Variants in SACM1L observed in about 807,000 individuals in gnomAD.
The protein encoded by SACM1L is phosphatidylinositol-3-phosphatase SAC1.
A neutral mutation model predicts 89.5 loss-of-function variants in SACM1L; 32 were observed. The observed-to-expected ratio is 0.36, with a 90% CI of 0.27 to 0.48. The LOEUF (loss-of-function observed/expected upper bound fraction) is 0.48, where lower values mean the gene tolerates loss of function less well. SACM1L is among the 20% of genes least tolerant of loss of function. The pLI is 0.99. For synonymous variants in SACM1L, 213 were observed against 232.8 expected (o/e 0.92, Z 0.77); for missense variants, 543 against 708.5 (o/e 0.77, Z 2.65).
rs747144762 is a variant in SACM1L at position 45,706,787 on chromosome 3, T to C, written c.213T>C (p.Tyr71=). Residue 71 remains tyrosine (Y), a synonymous_variant, in exon 4 of 20, where the codon TAT becomes TAC. Coordinates refer to ENST00000389061, the MANE Select transcript of SACM1L (RefSeq NM_014016.5). ...TTGGCTTGCTTTTTGCAGGTAATTA[T>C]CTTATAGTCATTACCAAAAAGATAA... ...LGTIHLVAGN[Y]LIVITKKIKV... is the part of the protein sequence containing the mutation. 4 of 1,607,568 alleles carry C rather than the reference T, an allele frequency of 2.5e-6. No homozygotes were observed. Among genetic ancestry groups the C allele is most frequent in the Middle Eastern group, 1.7e-4 (1 of 5,924 alleles).
Position 45,721,291 on chromosome 3 carries a change from G to T in SACM1L, c.680-709G>T, listed in dbSNP as rs572967625. Among the ~76,000 whole-genome samples, 342 of 152,372 alleles carry T rather than the reference G, an allele frequency of 2.2e-3. 1 individual carries two copies. Among genetic ancestry groups the T allele is most frequent in the Non-Finnish European group, 4.1e-3 (277 of 68,048 alleles). ...AATCCCAGCACTTTGGGAGGCCGAG[G>T]CAGGCAGATCACCTGAGGTCGGGAG... On this transcript the variant is annotated intron_variant, in intron 8 of 19. Coordinates refer to ENST00000389061, the MANE Select transcript of SACM1L (RefSeq NM_014016.5).
chr3:45,726,933 C>T (rs867915676), intron 11 of SACM1L, among the ~76,000 whole-genome samples: 284 of 18,904 alleles, frequency 0.015, 82 homozygotes, highest in African/African-American at 0.057. Context: ...GGCCGGACTG[C>T]GGACTGCAGT....
At chr3:45,736,982 T>C (rs896163539) in intron 14 of SACM1L, among the ~76,000 whole-genome samples, 1 of 152,160 alleles carries the variant, frequency 6.6e-6, no homozygotes, top group African/African-American at 2.4e-5. Flanking sequence ...ATGGTGGTTC[T>C]CAGAAGTGAT....
intron 8 of SACM1L, among the ~76,000 whole-genome samples, chr3:45,721,528 ATAAG>A (rs1356615251): frequency 6.6e-6 from 1 of 152,278 alleles, no homozygotes; most frequent in Non-Finnish European, 1.5e-5. Context: ...GTCTCAAAAA[ATAAG>A]TAAATAAAAA....
In SACM1L at chr3:45,723,687, CACA is replaced by C. The variant is rs535736370; in HGVS notation, c.921+148_921+150del. The C allele has an allele frequency of 2.7e-5, 9 of 330,352 alleles. No homozygotes were observed. The South Asian group carries it at 1.2e-3, about 43-fold the overall frequency. 20.5% of individuals were successfully genotyped at this position (330,352 alleles called of 1,614,324 possible). ...TGCAGCCATCATCACTGTTCATTTC[CACA>C]ACATTTCATCATACCAGACAGAAAC... is the stretch of plus-strand genomic sequence containing the variant. On this transcript the variant is annotated intron_variant, in intron 11 of 19. Coordinates refer to ENST00000389061, the MANE Select transcript of SACM1L (RefSeq NM_014016.5).
At chr3:45,739,319 G>A (rs1699267834) in intron 18 of SACM1L, among the ~76,000 whole-genome samples, 1 of 152,112 alleles carries the variant, frequency 6.6e-6, no homozygotes, top group African/African-American at 2.4e-5. Flanking sequence ...AGTGTTCTAG[G>A]TCCTCATCTG....
At chr3:45,690,729 C>A (rs1158644662) in intron 1 of SACM1L, among the ~76,000 whole-genome samples, 2 of 52,836 alleles carry the variant, frequency 3.8e-5, no homozygotes, top group African/African-American at 6.9e-5. Flanking sequence ...CCACATTTTC[C>A]TCTCCACCTT....
At position 45,713,130 on chromosome 3, in the gene SACM1L, C is replaced by T; in HGVS notation, c.484-7C>T. Reference sequence around the variant, plus strand: ...GATATTTTATTAAATTTTAAAACTTCTCTCAGGCAGATCAGCGGTTTGTAT... The same window carrying T: ...GATATTTTATTAAATTTTAAAACTTTTCTCAGGCAGATCAGCGGTTTGTAT... On this transcript the variant is annotated splice_region_variant and splice_polypyrimidine_tract_variant and intron_variant, in intron 5 of 19. Transcript: ENST00000389061. 3 of 1,610,160 alleles carry T rather than the reference C, an allele frequency of 1.9e-6. No homozygotes were observed. Among genetic ancestry groups the T allele is most frequent in the Non-Finnish European group, 2.5e-6 (3 of 1,177,704 alleles).
rs1243074296 is a variant in SACM1L at position 45,744,653 on chromosome 3, A to C, written c.*984A>C. 1 of 152,666 alleles carries C rather than the reference A, an allele frequency of 6.6e-6. No individual in the cohort carries two copies. The highest frequency in any genetic ancestry group is 1.5e-5 in the Non-Finnish European group (1 of 68,036). The allele number at this position is 152,666 out of a possible 1,614,324, so 9.5% of individuals were successfully genotyped here. ...CTATCAATGAATGTGTCTAAAACTTAGTGCTTCCAGGTAGTTATAGTACTC... is the reference window on the plus strand; with the variant it reads ...CTATCAATGAATGTGTCTAAAACTTCGTGCTTCCAGGTAGTTATAGTACTC... On this transcript the variant is annotated 3_prime_UTR_variant, in exon 20 of 20. Coordinates refer to ENST00000389061, the MANE Select transcript of SACM1L (RefSeq NM_014016.5).
intron 1 of SACM1L, among the ~76,000 whole-genome samples, chr3:45,697,795 T>C (rs1399616262): frequency 1.3e-5 from 2 of 152,130 alleles, no homozygotes; most frequent in Non-Finnish European, 2.9e-5. Context: ...TCAGTTAGAG[T>C]TAATAGTGAA....
chr3:45,725,071 A>G (rs1698887021), intron 11 of SACM1L, among the ~76,000 whole-genome samples: 2 of 152,136 alleles, frequency 1.3e-5, no homozygotes, highest in Non-Finnish European at 2.9e-5. Flanking sequence ...GGATCACACT[A>G]TTTTGGTTAC....
intron 6 of SACM1L, chr3:45,713,499 T>G (rs1380087689): frequency 4.7e-6 from 1 of 212,512 alleles, no homozygotes; most frequent in Non-Finnish European, 9.2e-6. Context: ...GGGCCAAGTT[T>G]CCTGGCCAAG....
chr3:45,696,185 G>C (rs141097758), intron 1 of SACM1L, among the ~76,000 whole-genome samples: 1 of 152,068 alleles, frequency 6.6e-6, no homozygotes, highest in African/African-American at 2.4e-5. Flanking sequence ...TTTTAGTAGA[G>C]ACAAGGTTTC....
intron 19 of SACM1L, among the ~76,000 whole-genome samples, 199 bp from the exon 20 acceptor site, chr3:45,743,334 T>G (rs1375435591): frequency 6.6e-6 from 1 of 152,208 alleles, no homozygotes; most frequent in Non-Finnish European, 1.5e-5. Flanking sequence ...CAGTTGATGC[T>G]TTATCAAGCC....
intron 11 of SACM1L, among the ~76,000 whole-genome samples, chr3:45,731,092 T>C (rs1241294546): frequency 6.6e-6 from 1 of 152,232 alleles, no homozygotes; most frequent in Non-Finnish European, 1.5e-5. Context: ...AAAGTGACTT[T>C]TACTTTATTG....
At chr3:45,711,242 C>T (rs913221048) in intron 5 of SACM1L, among the ~76,000 whole-genome samples, 5 of 151,988 alleles carry the variant, frequency 3.3e-5, no homozygotes, top group African/African-American at 9.7e-5. Context: ...GACAGTGGGC[C>T]GGGGGGTTCC....
At chr3:45,708,538 C>CTACA (rs1698450371) in intron 4 of SACM1L, among the ~76,000 whole-genome samples, 1 of 151,864 alleles carries the variant, frequency 6.6e-6, no homozygotes, top group African/African-American at 2.4e-5. Context: ...CTGAGTAAAA[C>CTACA]TACAGGATAT....
At chr3:45,723,950 G>GCACACACA (rs762724452) in intron 11 of SACM1L, among the ~76,000 whole-genome samples, 1 of 117,338 alleles carries the variant, frequency 8.5e-6, no homozygotes, top group Non-Finnish European at 1.9e-5. Context: ...ATGCATATAT[G>GCACACACA]CACACACACA....
At chr3:45,698,280 T>TA (rs1575384225) in intron 1 of SACM1L, among the ~76,000 whole-genome samples, 1 of 152,214 alleles carries the variant, frequency 6.6e-6, no homozygotes, top group Non-Finnish European at 1.5e-5. Flanking sequence ...TACCTGCTGT[T>TA]ATGGTTAACA....
Sources: allele counts gnomAD v4.1 joint callset (sites outside exome capture counted in the v4.1 genomes callset), GRCh38; gene constraint gnomAD v4.1.1; transcripts MANE v1.5; gene names NCBI Gene and HGNC (gene_info 2026-07-23, HGNC 2026-07-21).